The following MYO16 variants were observed in gnomAD, a reference collection of about 807,000 sequenced individuals.
MYO16 encodes the protein myosin XVI, also known as unconventional myosin-XVI.
Under a neutral mutation model 205.3 loss-of-function variants are expected in MYO16, and 94 were observed. That is an observed-to-expected ratio of 0.46 (90% confidence interval 0.39 to 0.54). MYO16 has a LOEUF of 0.54. Ranked by LOEUF, MYO16 falls within the 20% of genes least tolerant of loss-of-function variation. The pLI, the probability that MYO16 is intolerant of heterozygous loss-of-function variation, is 0.00. For missense variants in MYO16, 2,315 were observed against 2,387.5 expected (o/e 0.97, Z 0.63); for synonymous variants, 988 against 954.0 (o/e 1.04, Z -0.66).
At chr13:108,737,102 C>T (rs1295819170) in intron 4 of MYO16, among the ~76,000 whole-genome samples, 1 of 152,158 alleles carries the variant, frequency 6.6e-6, no homozygotes, top group African/African-American at 2.4e-5. Flanking sequence ...ATTTGACTTC[C>T]TCTTTTCCTA....
At chr13:108,967,295 T>C (rs1185786846) in intron 20 of MYO16, among the ~76,000 whole-genome samples, 2 of 152,146 alleles carry the variant, frequency 1.3e-5, no homozygotes, top group South Asian at 2.1e-4. Flanking sequence ...TGTTACACGA[T>C]GGATTCATTT....
chr13:109,063,346 G>A (rs918173001), intron 27 of MYO16, among the ~76,000 whole-genome samples: 1 of 152,120 alleles, frequency 6.6e-6, no homozygotes, highest in African/African-American at 2.4e-5. Flanking sequence ...AAGACTTAAG[G>A]ACTCTGTCTT....
intron 33 of MYO16, among the ~76,000 whole-genome samples, chr13:109,166,094 C>A (rs1278816765): frequency 6.6e-6 from 1 of 152,100 alleles, no homozygotes; most frequent in African/African-American, 2.4e-5. Flanking sequence ...CATAGGAGCA[C>A]ACAAAATAAG....
At chr13:109,003,298 TTTAA>T (rs1885277542) in intron 21 of MYO16, among the ~76,000 whole-genome samples, 1 of 152,140 alleles carries the variant, frequency 6.6e-6, no homozygotes, top group Non-Finnish European at 1.5e-5. Context: ...TCTACGGGAT[TTTAA>T]TAATTTACTT....
intron 32 of MYO16, among the ~76,000 whole-genome samples, chr13:109,159,777 G>C (rs1341114011): frequency 6.6e-6 from 1 of 152,220 alleles, no homozygotes; most frequent in Non-Finnish European, 1.5e-5. Context: ...CTGGACGCTG[G>C]AGAAGGAGAG....
At chr13:108,878,102 C>T (rs966559227) in intron 12 of MYO16, among the ~76,000 whole-genome samples, 2 of 152,150 alleles carry the variant, frequency 1.3e-5, no homozygotes, top group African/African-American at 2.4e-5. Flanking sequence ...GTTGGTCATA[C>T]ACTGTATCTT....
chr13:108,559,328 G>A, the MYO16 span, among the ~76,000 whole-genome samples: 196 of 152,170 alleles, frequency 1.3e-3, 2 homozygotes, highest in African/African-American at 3.9e-3. Flanking sequence ...GCATGGAGCA[G>A]GTTTTCCCCT....
intron 33 of MYO16, among the ~76,000 whole-genome samples, chr13:109,174,832 A>C (rs1292751188): frequency 6.7e-6 from 1 of 150,370 alleles, no homozygotes; most frequent in East Asian, 2.0e-4. Context: ...ACTCACTGCA[A>C]ACTCCGCCTC....
At chr13:109,137,754 A>G (rs1450543245) in intron 31 of MYO16, among the ~76,000 whole-genome samples, 5 of 152,182 alleles carry the variant, frequency 3.3e-5, no homozygotes, top group African/African-American at 9.7e-5. Context: ...TACAATATCT[A>G]TTTTATTCCT....
intron 27 of MYO16, among the ~76,000 whole-genome samples, chr13:109,095,534 TC>T (rs1167623402): frequency 6.6e-6 from 1 of 152,236 alleles, no homozygotes; most frequent in Non-Finnish European, 1.5e-5. Flanking sequence ...TCTGAGGTGA[TC>T]TTTTTCTTTA....
At position 109,052,284 on chromosome 13, in the gene MYO16, T is replaced by A; in HGVS notation, c.2873-16T>A. 6.2e-7 allele frequency: 1 copy of A among 1,605,650 alleles called. No homozygotes were observed. ...ATTTTAGTGCCACTTACGATATTCA[T>A]TTATTTATTTCCTAGCTAGTGAAAA... On this transcript the variant is annotated splice_polypyrimidine_tract_variant and intron_variant, in intron 24 of 34. Coordinates refer to ENST00000457511, the MANE Select transcript of MYO16 (RefSeq NM_001198950.3).
At chr13:108,929,908 T>C (rs1007407108) in intron 16 of MYO16, among the ~76,000 whole-genome samples, 2 of 152,244 alleles carry the variant, frequency 1.3e-5, no homozygotes, top group Non-Finnish European at 2.9e-5. Flanking sequence ...CTGATTATAA[T>C]TGTGGCACTT....
At chr13:108,758,005 G>A (rs764207317) in intron 4 of MYO16, among the ~76,000 whole-genome samples, 29 of 152,154 alleles carry the variant, frequency 1.9e-4, no homozygotes, top group Non-Finnish European at 3.5e-4. Context: ...GGTGATAGTC[G>A]TGAGGATAGA....
At chr13:109,000,372 T>G (rs1260847792) in intron 21 of MYO16, among the ~76,000 whole-genome samples, 1 of 152,192 alleles carries the variant, frequency 6.6e-6, no homozygotes, top group Non-Finnish European at 1.5e-5. Context: ...CCACAAGTTT[T>G]ATGAGGCCCA....
At chr13:109,201,402 A>G (rs187351532) in intron 34 of MYO16, 1 of 145,532 alleles carries the variant, frequency 6.9e-6, no homozygotes, top group Non-Finnish European at 1.5e-5. Context: ...CAAGCATATA[A>G]TTTATAGTTA....
chr13:108,849,264 C>T (rs1047762750), intron 10 of MYO16, among the ~76,000 whole-genome samples: 11 of 152,152 alleles, frequency 7.2e-5, no homozygotes, highest in African/African-American at 1.9e-4. Flanking sequence ...CATCTCAGCT[C>T]ACTGCAACCT....
intron 7 of MYO16, among the ~76,000 whole-genome samples, chr13:108,815,375 G>T (rs1456162267): frequency 6.6e-6 from 1 of 152,126 alleles, no homozygotes; most frequent in African/African-American, 2.4e-5. Context: ...TCTCTAGATG[G>T]GCCCAGTGTA....
intron 16 of MYO16, among the ~76,000 whole-genome samples, chr13:108,930,311 C>T (rs1213431351): frequency 6.6e-6 from 1 of 152,010 alleles, no homozygotes; most frequent in African/African-American, 2.4e-5. Flanking sequence ...AAATTGTTCT[C>T]ATTATCAATT....
the MYO16 span, among the ~76,000 whole-genome samples, chr13:108,556,345 A>G: frequency 6.6e-6 from 1 of 152,158 alleles, no homozygotes; most frequent in Non-Finnish European, 1.5e-5. Flanking sequence ...GTATGAGGTA[A>G]TATCTCATTA....
Sources: allele counts gnomAD v4.1 joint callset (sites outside exome capture counted in the v4.1 genomes callset), GRCh38; gene constraint gnomAD v4.1.1; transcripts MANE v1.5; gene names NCBI Gene and HGNC (gene_info 2026-07-23, HGNC 2026-07-21).